THSD7A: variants seen among roughly 807,000 people sequenced by gnomAD.
The protein encoded by THSD7A is thrombospondin type-1 domain-containing protein 7A.
A neutral mutation model predicts 231.3 loss-of-function variants in THSD7A; 96 were observed. The ratio of observed to expected loss-of-function variants is 0.41; its 90% confidence interval spans 0.35 to 0.49. The LOEUF (loss-of-function observed/expected upper bound fraction) is 0.49, where lower values mean the gene tolerates loss of function less well. THSD7A is among the 20% of genes least tolerant of loss of function. The pLI is 0.05. For missense variants in THSD7A, 2,290 were observed against 2,070.2 expected, an observed-to-expected ratio of 1.11 and a Z score of -2.06; for synonymous variants, 940 against 743.3, an observed-to-expected ratio of 1.26 and a Z score of -4.30.
At chr7:11,706,913 C>T (rs1780787843) in intron 1 of THSD7A, among the ~76,000 whole-genome samples, 1 of 150,584 alleles carries the variant, frequency 6.6e-6, no homozygotes, top group Non-Finnish European at 1.5e-5. Flanking sequence ...AGCTCTGATT[C>T]AGGGTTTTTC....
At chr7:11,419,481 G>T (rs1040064080) in intron 16 of THSD7A, among the ~76,000 whole-genome samples, 1 of 152,104 alleles carries the variant, frequency 6.6e-6, no homozygotes, top group Non-Finnish European at 1.5e-5. Context: ...CCCAGAAAGA[G>T]AAGCCTATAC....
intron 6 of THSD7A, among the ~76,000 whole-genome samples, chr7:11,521,428 A>G (rs1185059253): frequency 6.6e-6 from 1 of 151,296 alleles, no homozygotes; most frequent in Non-Finnish European, 1.5e-5. Flanking sequence ...CACTGAAGTC[A>G]CAAGCTTAGG....
chr7:11,567,359 G>C (rs958592377), intron 4 of THSD7A, among the ~76,000 whole-genome samples: 55 of 152,060 alleles, frequency 3.6e-4, no homozygotes, highest in African/African-American at 1.3e-3. Context: ...TCACTGTCAC[G>C]AGAACAGCAC....
At position 11,417,451 on chromosome 7, in the gene THSD7A, A is replaced by G; in HGVS notation, c.3536T>C (p.Leu1179Ser). 6.3e-7 allele frequency: 1 copy of G among 1,590,668 alleles called. No individual in the cohort carries two copies. Among genetic ancestry groups the G allele is most frequent in the Non-Finnish European group, 8.5e-7 (1 of 1,173,528 alleles). Residue 1179 changes from leucine (L) to serine (S), a missense_variant and splice_region_variant, in exon 17 of 28, where the codon TTG becomes TCG. Leu to Ser is a moderately radical substitution (Grantham distance 145). Coordinates refer to ENST00000423059, the MANE Select transcript of THSD7A (RefSeq NM_015204.3). ...TAATAAAAAGGTTAATCATCTCACC[A>G]AAACACATTGGGTCCATGGACCCCA... The part of the protein sequence containing the change: ...SEWGPWTQCV[L>S]PCNQSSFRQR...
At chr7:11,531,813 G>A (rs1422039302) in intron 6 of THSD7A, among the ~76,000 whole-genome samples, 2 of 152,192 alleles carry the variant, frequency 1.3e-5, no homozygotes, top group African/African-American at 4.8e-5. Context: ...CTCTATAGCA[G>A]AGCGTTGAAA....
chr7:11,563,351 ATTAAGT>A (rs1790157218), intron 4 of THSD7A, among the ~76,000 whole-genome samples: 1 of 151,966 alleles, frequency 6.6e-6, no homozygotes, highest in African/African-American at 2.4e-5. Context: ...ATAACTCATT[ATTAAGT>A]TTATTTTATT....
chr7:11,552,506 T>A (rs1017447065), intron 4 of THSD7A, among the ~76,000 whole-genome samples: 1 of 152,052 alleles, frequency 6.6e-6, no homozygotes, highest in East Asian at 1.9e-4. Flanking sequence ...AAGGGAAATG[T>A]GATAAATAAA....
At chr7:11,566,015 G>A (rs10264054) in intron 4 of THSD7A, among the ~76,000 whole-genome samples, 1 of 151,620 alleles carries the variant, frequency 6.6e-6, no homozygotes. Context: ...CCCACTCATC[G>A]CAAGACACAT....
intron 1 of THSD7A, among the ~76,000 whole-genome samples, chr7:11,791,442 C>A (rs1213643418): frequency 6.6e-6 from 1 of 151,936 alleles, no homozygotes; most frequent in Non-Finnish European, 1.5e-5. Context: ...GCAGTAAGAT[C>A]AAATATATTT....
At chr7:11,484,003 C>T (rs368172553) in intron 6 of THSD7A, among the ~76,000 whole-genome samples, 4 of 151,814 alleles carry the variant, frequency 2.6e-5, no homozygotes, top group South Asian at 2.1e-4. Flanking sequence ...TGCTTTTTTC[C>T]GCACTCCCCC....
At chr7:11,560,387 G>A (rs909659412) in intron 4 of THSD7A, among the ~76,000 whole-genome samples, 1 of 151,990 alleles carries the variant, frequency 6.6e-6, no homozygotes, top group African/African-American at 2.4e-5. Context: ...ACTTCATAGG[G>A]CAGCACATCA....
chr7:11,595,069 A>T (rs1473529901), intron 2 of THSD7A, among the ~76,000 whole-genome samples: 1 of 152,136 alleles, frequency 6.6e-6, no homozygotes, highest in Non-Finnish European at 1.5e-5. Flanking sequence ...CAGCCTTTCC[A>T]CCTTTGTCTG....
chr7:11,773,070 C>T (rs1044483465), intron 1 of THSD7A, among the ~76,000 whole-genome samples: 1 of 151,912 alleles, frequency 6.6e-6, no homozygotes, highest in African/African-American at 2.4e-5. Context: ...CTCTGTGTAC[C>T]TAAGAATTTG....
intron 19 of THSD7A, among the ~76,000 whole-genome samples, chr7:11,409,141 A>G (rs184014824): frequency 2.1e-4 from 32 of 152,368 alleles, no homozygotes; most frequent in Middle Eastern, 3.4e-3. Context: ...AAATCTAAGA[A>G]ATAGGAAAGA....
intron 1 of THSD7A, among the ~76,000 whole-genome samples, chr7:11,706,629 G>GTTTTTTTTTTTTTT (rs1780775506): frequency 9.2e-5 from 5 of 54,394 alleles, no homozygotes; most frequent in Non-Finnish European, 1.9e-4. Flanking sequence ...TTAACAAGGT[G>GTTTTTTTTTTTTTT]CTTTTTTTTT....
chr7:11,768,325 G>A lies in THSD7A; in HGVS notation c.190+63432C>T, dbSNP rs144653323. Among the ~76,000 whole-genome samples the A allele has an allele frequency of 7.4e-3, 1,124 of 152,244 alleles. 10 individuals are homozygous for A. Among genetic ancestry groups the A allele is most frequent in the African/African-American group, 0.026 (1,061 of 41,538 alleles). ...GTCATAAGGCAAAACCACCTAATAAGTTCTCCGTGTTTCAAGAGCTAACAT... is the reference window on the plus strand; with the variant it reads ...GTCATAAGGCAAAACCACCTAATAAATTCTCCGTGTTTCAAGAGCTAACAT... On this transcript the variant is annotated intron_variant, in intron 1 of 27. Coordinates refer to ENST00000423059, the MANE Select transcript of THSD7A (RefSeq NM_015204.3).
intron 17 of THSD7A, among the ~76,000 whole-genome samples, chr7:11,414,502 C>G (rs776935410): frequency 5.9e-5 from 9 of 152,178 alleles, no homozygotes; most frequent in Non-Finnish European, 1.2e-4. Flanking sequence ...GTGTCTATTT[C>G]TGGCTTCTGG....
intron 1 of THSD7A, among the ~76,000 whole-genome samples, chr7:11,781,890 A>G (rs1224905283): frequency 6.6e-6 from 1 of 152,176 alleles, no homozygotes; most frequent in African/African-American, 2.4e-5. Context: ...GGGTTTCCTG[A>G]CCCACAGTCG....
chr7:11,524,317 A>G (rs1319180040), intron 6 of THSD7A, among the ~76,000 whole-genome samples: 2 of 152,072 alleles, frequency 1.3e-5, no homozygotes, highest in Non-Finnish European at 2.9e-5. Context: ...CAGAATGGCA[A>G]TGGGGCTTCT....
Sources: gnomAD v4.1 joint callset for allele counts (sites outside exome capture counted in the v4.1 genomes callset) on GRCh38, gnomAD v4.1.1 for gene constraint, MANE v1.5 for transcripts, NCBI Gene and HGNC (gene_info 2026-07-23, HGNC 2026-07-21) for gene names.